ARHGEF7: variants seen among roughly 807,000 people sequenced by gnomAD.
The protein encoded by ARHGEF7 is Rho guanine nucleotide exchange factor 7, also known as PAK-interacting exchange factor beta.
A neutral mutation model predicts 109.8 loss-of-function variants in ARHGEF7; 33 were observed. The observed-to-expected ratio is 0.30, with a 90% confidence interval of 0.23 to 0.40. The LOEUF (loss-of-function observed/expected upper bound fraction) is 0.40, where lower values mean the gene tolerates loss of function less well. Ranked by LOEUF, ARHGEF7 falls within the 10% of genes least tolerant of loss-of-function variation. The pLI is 1.00. For synonymous variants in ARHGEF7, 458 were observed against 424.6 expected, an observed-to-expected ratio of 1.08 and a Z score of -0.97; for missense variants, 938 against 1,098.5, an observed-to-expected ratio of 0.85 and a Z score of 2.07.
chr13:111,252,701 G>C (rs2089930388), intron 8 of ARHGEF7, among the ~76,000 whole-genome samples: 2 of 152,110 alleles, frequency 1.3e-5, no homozygotes, highest in Admixed American at 6.5e-5. Context: ...TATTTTTTCA[G>C]TTATTAACTC....
intron 2 of ARHGEF7, among the ~76,000 whole-genome samples, chr13:111,175,375 G>T (rs1031742728): frequency 6.6e-6 from 1 of 152,230 alleles, no homozygotes; most frequent in Admixed American, 6.5e-5. Flanking sequence ...ATGGGAGAGG[G>T]TGAGAGAGCA....
chr13:111,171,109 G>A (rs1006580617), intron 2 of ARHGEF7, among the ~76,000 whole-genome samples: 2 of 152,148 alleles, frequency 1.3e-5, no homozygotes, highest in African/African-American at 4.8e-5. Flanking sequence ...TGAAAGAACT[G>A]GCTTTTACTT....
intron 15 of ARHGEF7, 95 bp from the exon 16 acceptor site, chr13:111,283,044 T>G (rs1329895302): frequency 1.4e-6 from 2 of 1,391,780 alleles, no homozygotes; most frequent in Non-Finnish European, 2.0e-6. Flanking sequence ...ACATGGAGTG[T>G]TTAAAGAGCA....
At chr13:111,302,462 T>C (rs1278900882) in intron 21 of ARHGEF7, among the ~76,000 whole-genome samples, 1 of 152,220 alleles carries the variant, frequency 6.6e-6, no homozygotes, top group East Asian at 1.9e-4. Flanking sequence ...CCGCAGGTCT[T>C]CCAGGTACAC....
chr13:111,143,127 C>T (rs1053756080), intron 1 of ARHGEF7, among the ~76,000 whole-genome samples: 11 of 152,290 alleles, frequency 7.2e-5, no homozygotes, highest in African/African-American at 2.2e-4. Context: ...GTATGAACAG[C>T]GGAGTAGCAC....
At chr13:111,214,469 C>T (rs1024668520) in intron 4 of ARHGEF7, among the ~76,000 whole-genome samples, 7 of 152,230 alleles carry the variant, frequency 4.6e-5, no homozygotes, top group African/African-American at 1.4e-4. Flanking sequence ...TCCACAAGGC[C>T]GGCGTGCCCA....
At position 111,205,244 on chromosome 13, in the gene ARHGEF7, A is replaced by G. The variant is rs200986807; in HGVS notation, c.253-45A>G. The G allele has an allele frequency of 7.0e-4, 1,050 of 1,497,298 alleles. 1 individual carries two copies. Among genetic ancestry groups the G allele is most frequent in the Non-Finnish European group, 9.1e-4 (991 of 1,093,718 alleles). The allele number at this position is 1,497,298 out of a possible 1,614,324, so 92.8% of individuals were successfully genotyped here. The stretch of plus-strand genomic sequence containing the variant: ...GGAGAACTTAGTTCATCCTGCACCC[A>G]ACATAAGACTCTACTAATTTTGCTT... On this transcript the variant is annotated intron_variant, in intron 2 of 21. Coordinates refer to ENST00000646102, the MANE Select transcript of ARHGEF7 (RefSeq NM_001354046.2).
intron 8 of ARHGEF7, among the ~76,000 whole-genome samples, chr13:111,264,760 C>G (rs770700926): frequency 6.6e-6 from 1 of 152,210 alleles, no homozygotes; most frequent in Non-Finnish European, 1.5e-5. Flanking sequence ...GGAGCACTTA[C>G]ATTTGGTAGA....
At chr13:111,243,758 C>T (rs2088253551) in intron 6 of ARHGEF7, 114 bp from the exon 7 acceptor site, 1 of 660,742 alleles carries the variant, frequency 1.5e-6, no homozygotes, top group African/African-American at 1.8e-5. Context: ...TTTAGTATTA[C>T]ATAGAAGTAA....
intron 5 of ARHGEF7, among the ~76,000 whole-genome samples, chr13:111,221,380 T>G (rs2084054367): frequency 2.4e-5 from 1 of 41,314 alleles, no homozygotes; most frequent in African/African-American, 7.4e-5. Context: ...TATATATCTA[T>G]ATATATAGAT....
chr13:111,173,893 TTGTGGTGG>T (rs1225940820), intron 2 of ARHGEF7, among the ~76,000 whole-genome samples: 1 of 152,200 alleles, frequency 6.6e-6, no homozygotes, highest in Non-Finnish European at 1.5e-5. Context: ...GCTTAACTGC[TTGTGGTGG>T]TGTTTGCATT....
chr13:111,177,949 C>T lies in ARHGEF7; in HGVS notation c.252+23958C>T, dbSNP rs145552446. Among the ~76,000 whole-genome samples, 407 of 152,264 alleles carry T rather than the reference C, an allele frequency of 2.7e-3. 1 individual carries two copies. Among genetic ancestry groups the T allele is most frequent in the African/African-American group, 9.0e-3 (375 of 41,554 alleles). Reference sequence around the variant, plus strand: ...CTTGAACTCGCACGCAGTGTGGTCCCGAGAACCCTGGAATAGCTCACCTCC... The same window carrying T: ...CTTGAACTCGCACGCAGTGTGGTCCTGAGAACCCTGGAATAGCTCACCTCC... On this transcript the variant is annotated intron_variant, in intron 2 of 21. Coordinates refer to ENST00000646102, the MANE Select transcript of ARHGEF7 (RefSeq NM_001354046.2).
intron 5 of ARHGEF7, among the ~76,000 whole-genome samples, chr13:111,221,149 A>C (rs1453079825): frequency 1.3e-4 from 12 of 94,510 alleles, no homozygotes; most frequent in African/African-American, 4.7e-4. Flanking sequence ...ATATATATAT[A>C]GATATATATG....
intron 1 of ARHGEF7, among the ~76,000 whole-genome samples, chr13:111,138,860 G>A (rs1262874105): frequency 3.9e-5 from 6 of 152,104 alleles, no homozygotes; most frequent in Non-Finnish European, 8.8e-5. Flanking sequence ...CTGGAGAACC[G>A]GCTCCAGCTG....
chr13:111,158,686 A>G (rs1437636527), intron 2 of ARHGEF7, among the ~76,000 whole-genome samples: 1 of 152,238 alleles, frequency 6.6e-6, no homozygotes, highest in Non-Finnish European at 1.5e-5. Flanking sequence ...AGCTAGTCAC[A>G]TAAAGCTTGC....
intron 2 of ARHGEF7, among the ~76,000 whole-genome samples, chr13:111,184,246 C>A (rs2079038823): frequency 6.6e-6 from 1 of 152,176 alleles, no homozygotes; most frequent in African/African-American, 2.4e-5. Flanking sequence ...GAGGCCTCCC[C>A]AGCTATGTGT....
Position 111,115,646 on chromosome 13 carries a change from C to A in ARHGEF7, c.120C>A (p.Val40=). The change falls in exon 1 of 22, where the codon GTC becomes GTA. Residue 40 remains valine (V), a synonymous_variant. Coordinates refer to ENST00000646102, the MANE Select transcript of ARHGEF7 (RefSeq NM_001354046.2). ...AGGCGTCGCTGAAGGATGGGGTGGTCCTCTGCAGGCTGCTGGAGCGCCTGC... is the reference window on the plus strand; with the variant it reads ...AGGCGTCGCTGAAGGATGGGGTGGTACTCTGCAGGCTGCTGGAGCGCCTGC... The part of the protein sequence containing the change: ...FLQASLKDGV[V]LCRLLERLLP... The A allele has an allele frequency of 7.3e-7, 1 of 1,367,498 alleles. No homozygotes were observed. Among genetic ancestry groups the A allele is most frequent in the Non-Finnish European group, 9.5e-7 (1 of 1,048,078 alleles). The allele number at this position is 1,367,498 out of a possible 1,614,324, so 84.7% of individuals were successfully genotyped here. A position where few individuals can be genotyped will look rare whatever the true frequency, so the allele number is the denominator to read the frequency against.
chr13:111,126,395 C>T (rs770156729), intron 1 of ARHGEF7, among the ~76,000 whole-genome samples: 25 of 151,258 alleles, frequency 1.7e-4, no homozygotes, highest in African/African-American at 4.4e-4. Context: ...GAGGCTGAGA[C>T]GGGAGAATCA....
At chr13:111,178,047 TC>T (rs1021140562) in intron 2 of ARHGEF7, among the ~76,000 whole-genome samples, 1 of 152,220 alleles carries the variant, frequency 6.6e-6, no homozygotes, top group African/African-American at 2.4e-5. Flanking sequence ...CTCCTAAACT[TC>T]CTGTTTCTCA....
Sources: allele counts gnomAD v4.1 joint callset (sites outside exome capture counted in the v4.1 genomes callset), GRCh38; gene constraint gnomAD v4.1.1; transcripts MANE v1.5; gene names NCBI Gene and HGNC (gene_info 2026-07-23, HGNC 2026-07-21).